Variants in TBC1D4 observed in about 807,000 individuals in gnomAD.
TBC1D4 encodes the protein TBC (Tre-2, BUB2, CDC16) domain-containing protein.
In TBC1D4, 121 loss-of-function variants were observed where a neutral mutation model predicts 142.5. The ratio of observed to expected loss-of-function variants is 0.85; its 90% CI spans 0.73 to 0.99. TBC1D4 has a LOEUF of 0.99. Ranked by LOEUF, TBC1D4 falls within the 50% of genes least tolerant of loss-of-function variation. TBC1D4 has a pLI of 0.00. For synonymous variants in TBC1D4, 630 were observed against 628.2 expected (o/e 1.00, Z -0.04); for missense variants, 1,475 against 1,606.6 (o/e 0.92, Z 1.40).
At chr13:75,358,036 G>C (rs1241103140) in intron 3 of TBC1D4, among the ~76,000 whole-genome samples, 2 of 151,338 alleles carry the variant, frequency 1.3e-5, no homozygotes, top group Non-Finnish European at 2.9e-5. Context: ...TGAGCATTGC[G>C]AGTTTTCTCA....
At chr13:75,303,664 A>C (rs1440361015) in intron 15 of TBC1D4, among the ~76,000 whole-genome samples, 1 of 152,180 alleles carries the variant, frequency 6.6e-6, no homozygotes, top group Non-Finnish European at 1.5e-5. Context: ...ATCTCTTCTG[A>C]CTGATTGCCA....
intron 1 of TBC1D4, among the ~76,000 whole-genome samples, chr13:75,455,534 G>C (rs887471366): frequency 6.6e-6 from 1 of 152,124 alleles, no homozygotes; most frequent in African/African-American, 2.4e-5. Flanking sequence ...TTGAGCCTAG[G>C]AGTTCAAGTC....
At chr13:75,365,279 C>A (rs1024860142) in intron 1 of TBC1D4, among the ~76,000 whole-genome samples, 8 of 151,510 alleles carry the variant, frequency 5.3e-5, no homozygotes, top group Non-Finnish European at 1.2e-4. Flanking sequence ...CTAACCACAA[C>A]TTGAATGACA....
In TBC1D4 at chr13:75,459,449, A is replaced by G. The variant is rs563205708; in HGVS notation, c.498+21821T>C. ...CCACCACTACTTATTAATAACAACTATATTTTCTTACTGTCATTCTAATGA... is the reference window on the plus strand; with the variant it reads ...CCACCACTACTTATTAATAACAACTGTATTTTCTTACTGTCATTCTAATGA... On this transcript the variant is annotated intron_variant, in intron 1 of 20. Coordinates refer to ENST00000377636, the MANE Select transcript of TBC1D4 (RefSeq NM_014832.5). Among the ~76,000 whole-genome samples, 4 of 152,272 alleles carry G rather than the reference A, an allele frequency of 2.6e-5. No individual in the cohort carries two copies. The South Asian group carries it at 6.2e-4, about 24-fold the overall frequency.
intron 1 of TBC1D4, among the ~76,000 whole-genome samples, chr13:75,399,449 T>C (rs141512764): frequency 1.6e-3 from 246 of 152,236 alleles, no homozygotes; most frequent in African/African-American, 5.5e-3. Flanking sequence ...ATTCCTGTTT[T>C]ATATATGGGG....
At chr13:75,335,347 T>C (rs1162524565) in intron 8 of TBC1D4, among the ~76,000 whole-genome samples, 1 of 152,192 alleles carries the variant, frequency 6.6e-6, no homozygotes, top group Non-Finnish European at 1.5e-5. Context: ...TGACCTCACC[T>C]AATAGCTCTA....
chr13:75,312,617 A>T, intron 13 of TBC1D4, 121 bp downstream of exon 13: 1 of 1,304,160 alleles, frequency 7.7e-7, no homozygotes, highest in Non-Finnish European at 1.1e-6. Flanking sequence ...CCACTGTATC[A>T]CATACAGAAA....
intron 1 of TBC1D4, among the ~76,000 whole-genome samples, chr13:75,466,501 C>G (rs991677706): frequency 6.6e-6 from 1 of 152,182 alleles, no homozygotes; most frequent in Non-Finnish European, 1.5e-5. Flanking sequence ...AAAGTCTCCA[C>G]TTGAATTATG....
intron 8 of TBC1D4, among the ~76,000 whole-genome samples, chr13:75,336,267 C>T (rs573970722): frequency 4.6e-5 from 7 of 152,016 alleles, no homozygotes; most frequent in East Asian, 1.9e-4. Flanking sequence ...CGTGGTGGCG[C>T]GCACCTGTAG....
At position 75,407,461 on chromosome 13, in the gene TBC1D4, A is replaced by G. The variant is rs371274784; in HGVS notation, c.499-44854T>C. On this transcript the variant is annotated intron_variant, in intron 1 of 20. Transcript: ENST00000377636. ...TGATTTTCCCAAATCTCCACACAAAAACAGAACAACTGATATCAAAACCAA... is the reference window on the plus strand; with the variant it reads ...TGATTTTCCCAAATCTCCACACAAAGACAGAACAACTGATATCAAAACCAA... 2.0e-3 allele frequency among the ~76,000 whole-genome samples: 311 copies of G among 152,364 alleles called. 1 individual carries two copies. Among genetic ancestry groups the G allele is most frequent in the African/African-American group, 6.9e-3 (288 of 41,580 alleles).
intron 1 of TBC1D4, among the ~76,000 whole-genome samples, chr13:75,420,315 C>G (rs1886108517): frequency 6.6e-6 from 1 of 152,112 alleles, no homozygotes; most frequent in Non-Finnish European, 1.5e-5. Context: ...AGCCTTCTAC[C>G]TACATGGCCT....
chr13:75,328,921 C>A (rs1593735997), intron 8 of TBC1D4, among the ~76,000 whole-genome samples: 1 of 152,088 alleles, frequency 6.6e-6, no homozygotes, highest in East Asian at 1.9e-4. Flanking sequence ...TGGTCATCAA[C>A]CCCCTCTCTT....
chr13:75,369,448 C>G (rs1043346553), intron 1 of TBC1D4, among the ~76,000 whole-genome samples: 3 of 152,134 alleles, frequency 2.0e-5, no homozygotes, highest in Non-Finnish European at 4.4e-5. Context: ...ACAGTGATCA[C>G]ATCATGCCAC....
chr13:75,405,553 T>C (rs59760682), intron 1 of TBC1D4, among the ~76,000 whole-genome samples: 11,204 of 152,290 alleles, frequency 0.074, 513 homozygotes, highest in African/African-American at 0.13. Context: ...ATTACAGGCG[T>C]GAGCCACTGC....
chr13:75,299,261 T>C (rs1280007435), intron 17 of TBC1D4, 69 bp downstream of exon 17: 2 of 1,608,448 alleles, frequency 1.2e-6, no homozygotes, highest in East Asian at 4.5e-5. Context: ...TGAACTGTAA[T>C]AATTGAGAAG....
intron 1 of TBC1D4, among the ~76,000 whole-genome samples, chr13:75,419,326 G>C (rs1275817501): frequency 1.3e-5 from 2 of 152,074 alleles, no homozygotes; most frequent in Admixed American, 6.5e-5. Flanking sequence ...GGAGGAAAAA[G>C]GAGCTGTTGA....
chr13:75,337,402 A>G (rs570761), intron 7 of TBC1D4, among the ~76,000 whole-genome samples: 63,880 of 152,000 alleles, frequency 0.42, 14,107 homozygotes, highest in South Asian at 0.69. Context: ...TATCCAAATT[A>G]CCAAGAAAAA....
chr13:75,408,772 C>T lies in TBC1D4; in HGVS notation c.499-46165G>A, dbSNP rs183231679. Among the ~76,000 whole-genome samples the T allele has an allele frequency of 1.5e-3, 221 of 152,168 alleles. 2 individuals are homozygous for T. Among genetic ancestry groups the T allele is most frequent in the African/African-American group, 5.0e-3 (209 of 41,544 alleles). ...TTTTTATTATAGCTGTTCTGGTGGGCGTGAAGTAGTATCTCATTATGATTT... is the reference window on the plus strand; with the variant it reads ...TTTTTATTATAGCTGTTCTGGTGGGTGTGAAGTAGTATCTCATTATGATTT... On this transcript the variant is annotated intron_variant, in intron 1 of 20. Transcript: ENST00000377636.
intron 10 of TBC1D4, 148 bp from the exon 11 acceptor site, chr13:75,324,549 A>G (rs961107639): frequency 1.1e-6 from 1 of 918,696 alleles, no homozygotes; most frequent in African/African-American, 1.7e-5. Flanking sequence ...AAAAAAAAAG[A>G]AGAAGCATGC....
Sources: gnomAD v4.1 joint callset for allele counts (sites outside exome capture counted in the v4.1 genomes callset) on GRCh38, gnomAD v4.1.1 for gene constraint, MANE v1.5 for transcripts, NCBI Gene and HGNC (gene_info 2026-07-23, HGNC 2026-07-21) for gene names.